Variants in PPP1R9A observed in about 807,000 individuals in gnomAD.
PPP1R9A encodes protein phosphatase 1 regulatory subunit 9A.
Under a neutral mutation model 141.9 loss-of-function variants are expected in PPP1R9A, and 59 were observed. The observed-to-expected ratio is 0.42, with a 90% CI of 0.34 to 0.52. The LOEUF is 0.52. Among genes scored for constraint, PPP1R9A ranks in the 20% least tolerant of loss-of-function variants. The probability of loss-of-function intolerance (pLI) is 0.10; values close to 1 mark genes in which losing one functional copy is unlikely to be tolerated. For missense variants in PPP1R9A, 1,444 were observed against 1,611.9 expected (o/e 0.90, Z 1.78); for synonymous variants, 500 against 569.7 (o/e 0.88, Z 1.74).
At chr7:95,202,457 A>C in intron 6 of PPP1R9A, 1 of 236,554 alleles carries the variant, frequency 4.2e-6, no homozygotes, top group Non-Finnish European at 6.9e-6. Flanking sequence ...AAAAATTTTA[A>C]ATGTATATCT....
chr7:95,226,728 G>T (rs1363524887), intron 8 of PPP1R9A, among the ~76,000 whole-genome samples: 2 of 152,160 alleles, frequency 1.3e-5, no homozygotes, highest in Admixed American at 1.3e-4. Context: ...CTTTTCTGCT[G>T]ATGCTTCCAA....
Position 94,958,260 on chromosome 7 carries a change from CT to C in PPP1R9A, c.1395+46753del, listed in dbSNP as rs139631592. ...AATATCACTTCCTTGGAGACCTCCC[CT>C]GTTCTGCAGTTTAAATTGGCTTCTC... On this transcript the variant is annotated intron_variant, in intron 2 of 19. Coordinates refer to ENST00000433360, the MANE Select transcript of PPP1R9A (RefSeq NM_001166160.2). Among the ~76,000 whole-genome samples, 982 of 152,190 alleles carry C rather than the reference CT, an allele frequency of 6.5e-3. 11 individuals carry two copies. The highest frequency in any genetic ancestry group is 0.022 in the African/African-American group (932 of 41,546).
intron 4 of PPP1R9A, among the ~76,000 whole-genome samples, chr7:95,122,902 T>G (rs1284472213): frequency 6.6e-6 from 1 of 152,160 alleles, no homozygotes; most frequent in African/African-American, 2.4e-5. Flanking sequence ...TGATGAAAAT[T>G]TTAAGATCAT....
chr7:95,207,715 T>TA (rs1302914942), intron 7 of PPP1R9A, among the ~76,000 whole-genome samples: 8 of 152,118 alleles, frequency 5.3e-5, no homozygotes, highest in Non-Finnish European at 1.0e-4. Context: ...ATTGTCTATT[T>TA]AAAAAATCTC....
chr7:95,148,515 GA>G (rs1270861367), intron 4 of PPP1R9A, among the ~76,000 whole-genome samples: 1 of 151,880 alleles, frequency 6.6e-6, no homozygotes, highest in Non-Finnish European at 1.5e-5. Flanking sequence ...TCGGCAATCT[GA>G]ATAGGCCTAT....
At chr7:94,944,195 A>G (rs1795636701) in intron 2 of PPP1R9A, among the ~76,000 whole-genome samples, 1 of 152,056 alleles carries the variant, frequency 6.6e-6, no homozygotes, top group African/African-American at 2.4e-5. Flanking sequence ...TTTGAAATAT[A>G]CAATAAATTA....
At chr7:95,123,979 G>A (rs559578728) in intron 4 of PPP1R9A, among the ~76,000 whole-genome samples, 1 of 152,244 alleles carries the variant, frequency 6.6e-6, no homozygotes, top group South Asian at 2.1e-4. Flanking sequence ...CAAAATTTTA[G>A]AGGTCAGAGA....
intron 2 of PPP1R9A, among the ~76,000 whole-genome samples, chr7:94,961,384 G>GTATT (rs1797627854): frequency 6.6e-6 from 1 of 150,958 alleles, no homozygotes; most frequent in African/African-American, 2.4e-5. Flanking sequence ...AGTATACTAG[G>GTATT]TATTATTCCC....
chr7:94,993,267 T>C lies in PPP1R9A; in HGVS notation c.1395+81759T>C, dbSNP rs367889620. Among the ~76,000 whole-genome samples, 555 of 152,272 alleles carry C rather than the reference T, an allele frequency of 3.6e-3. 3 individuals are homozygous for C. Among genetic ancestry groups the C allele is most frequent in the African/African-American group, 0.013 (520 of 41,566 alleles). ...CTCTATTCTGTTCCATTGATCTATT[T>C]GTCTTGTGTTGATGCCAGTACCACA... is the stretch of plus-strand genomic sequence containing the variant. On this transcript the variant is annotated intron_variant, in intron 2 of 19. Transcript: ENST00000433360.
chr7:95,092,307 G>A (rs76809948), intron 2 of PPP1R9A, among the ~76,000 whole-genome samples: 20,552 of 151,444 alleles, frequency 0.14, 1,759 homozygotes, highest in Non-Finnish European at 0.21. Context: ...ACAGCCATCA[G>A]AGGAGCAGCT....
intron 16 of PPP1R9A, among the ~76,000 whole-genome samples, chr7:95,281,270 A>C (rs1804176836): frequency 6.6e-6 from 1 of 152,184 alleles, no homozygotes; most frequent in Non-Finnish European, 1.5e-5. Context: ...AAACTGAAAA[A>C]TATTCTTCAA....
At chr7:95,246,301 C>G (rs1798112149) in intron 8 of PPP1R9A, among the ~76,000 whole-genome samples, 1 of 152,182 alleles carries the variant, frequency 6.6e-6, no homozygotes, top group African/African-American at 2.4e-5. Flanking sequence ...CATTTCTGTC[C>G]TTCTGTCAGA....
chr7:95,224,294 G>A (rs1353043781), intron 7 of PPP1R9A, among the ~76,000 whole-genome samples: 3 of 152,106 alleles, frequency 2.0e-5, no homozygotes, highest in South Asian at 2.1e-4. Flanking sequence ...GGAAAGTAAA[G>A]GTTCCAACTA....
At chr7:95,150,603 G>A (rs542344309) in intron 4 of PPP1R9A, among the ~76,000 whole-genome samples, 2 of 152,188 alleles carry the variant, frequency 1.3e-5, no homozygotes, top group East Asian at 3.9e-4. Flanking sequence ...CGTCCGGCTG[G>A]CAATGATTTT....
intron 2 of PPP1R9A, among the ~76,000 whole-genome samples, chr7:94,991,934 G>A (rs1376893427): frequency 6.6e-6 from 1 of 152,204 alleles, no homozygotes; most frequent in Non-Finnish European, 1.5e-5. Flanking sequence ...TTACAGGCGT[G>A]GGCCAGTGCA....
At chr7:95,156,909 C>T (rs1354901810) in intron 4 of PPP1R9A, 1 of 152,586 alleles carries the variant, frequency 6.6e-6, no homozygotes, top group Non-Finnish European at 1.5e-5. Flanking sequence ...GCTGGTCATC[C>T]ATCATCTGCT....
intron 9 of PPP1R9A, among the ~76,000 whole-genome samples, chr7:95,248,638 C>T (rs1798465401): frequency 6.6e-6 from 1 of 152,078 alleles, no homozygotes; most frequent in South Asian, 2.1e-4. Context: ...AAAAAGATCT[C>T]TTTTTCCCTG....
intron 2 of PPP1R9A, among the ~76,000 whole-genome samples, chr7:95,032,131 G>GT (rs1034686043): frequency 6.6e-6 from 1 of 152,112 alleles, no homozygotes; most frequent in Admixed American, 6.6e-5. Context: ...GAATTTCCTG[G>GT]TTTTAGGTCT....
intron 2 of PPP1R9A, among the ~76,000 whole-genome samples, chr7:95,044,733 A>T (rs992913522): frequency 2.7e-5 from 4 of 145,600 alleles, no homozygotes; most frequent in Non-Finnish European, 6.0e-5. Context: ...TATATATATA[A>T]TATATATATA....
Sources: allele counts gnomAD v4.1 joint callset (sites outside exome capture counted in the v4.1 genomes callset), GRCh38; gene constraint gnomAD v4.1.1; transcripts MANE v1.5; gene names NCBI Gene and HGNC (gene_info 2026-07-23, HGNC 2026-07-21).